The following CDC45 variants were observed in gnomAD, a reference collection of about 807,000 sequenced individuals.
CDC45 encodes cell division cycle 45.
CDC45 carries 54 observed loss-of-function variants against 77.8 expected under a neutral mutation model. The ratio of observed to expected loss-of-function variants is 0.69; its 90% confidence interval spans 0.56 to 0.87. The LOEUF (loss-of-function observed/expected upper bound fraction) is 0.87. Ranked by LOEUF, CDC45 falls within the 40% of genes least tolerant of loss-of-function variation. The pLI, the probability that CDC45 is intolerant of heterozygous loss-of-function variation, is 0.00. For missense variants in CDC45, 649 were observed against 721.6 expected, an observed-to-expected ratio of 0.90 and a Z score of 1.15; for synonymous variants, 260 against 272.1, an observed-to-expected ratio of 0.96 and a Z score of 0.44.
chr22:19,490,948 C>T (rs1189792582), intron 5 of CDC45, among the ~76,000 whole-genome samples: 2 of 151,952 alleles, frequency 1.3e-5, no homozygotes, highest in African/African-American at 4.8e-5. Flanking sequence ...CTGCCTCAGC[C>T]TCCCGAGTAG....
chr22:19,498,694 C>G (rs1179202834), intron 8 of CDC45, among the ~76,000 whole-genome samples: 1 of 152,224 alleles, frequency 6.6e-6, no homozygotes, highest in African/African-American at 2.4e-5. Context: ...GAAGTGATAC[C>G]AGGGTCACCA....
At chr22:19,480,073 G>T in intron 1 of CDC45, 54 bp downstream of exon 1, 1 of 1,612,924 alleles carries the variant, frequency 6.2e-7, no homozygotes, top group South Asian at 1.1e-5. Flanking sequence ...GAAGGGATGA[G>T]GGGGAGCGAC....
chr22:19,515,987 T>A (rs1933763887), intron 15 of CDC45, among the ~76,000 whole-genome samples: 1 of 152,160 alleles, frequency 6.6e-6, no homozygotes, highest in Non-Finnish European at 1.5e-5. Context: ...TCACCTGGGC[T>A]GTAGGGTGTG....
At chr22:19,512,134 G>A (rs1933550061) in intron 13 of CDC45, among the ~76,000 whole-genome samples, 1 of 152,064 alleles carries the variant, frequency 6.6e-6, no homozygotes, top group Non-Finnish European at 1.5e-5. Context: ...ACTTCAGCAA[G>A]GCCCCTTGCT....
At chr22:19,508,805 C>A in intron 13 of CDC45, 114 bp downstream of exon 13, 1 of 952,768 alleles carries the variant, frequency 1.0e-6, no homozygotes, top group Non-Finnish European at 1.6e-6. Context: ...CCTGCAGAAA[C>A]TGCTTGGGTG....
At position 19,480,944 on chromosome 22, in the gene CDC45, T is replaced by C. The variant is rs1463290756; in HGVS notation, c.112-9T>C. The C allele has an allele frequency of 6.3e-7, 1 of 1,587,062 alleles. No homozygotes were observed. The highest frequency in any genetic ancestry group is 1.3e-5 in the African/African-American group (1 of 74,280). On this transcript the variant is annotated splice_polypyrimidine_tract_variant and intron_variant, in intron 2 of 18. Coordinates refer to ENST00000263201, the MANE Select transcript of CDC45 (RefSeq NM_003504.5). ...AATAAGATAGGCTTTGAAAACACTC[T>C]CTCTCCAGGCCTTGTTCCAGTGTGA...
intron 9 of CDC45, among the ~76,000 whole-genome samples, chr22:19,504,333 C>G (rs897448420): frequency 2.0e-5 from 3 of 152,030 alleles, no homozygotes; most frequent in South Asian, 4.1e-4. Context: ...GAGTTTTGCT[C>G]TTGTTGCCCA....
intron 7 of CDC45, among the ~76,000 whole-genome samples, chr22:19,496,697 A>T (rs986621471): frequency 3.3e-5 from 5 of 152,156 alleles, no homozygotes; most frequent in Non-Finnish European, 5.9e-5. Context: ...CTCCCTCCAG[A>T]TATATGGGGC....
intron 17 of CDC45, 28 bp downstream of exon 17, chr22:19,516,921 CTT>C (rs770818023): frequency 1.3e-6 from 2 of 1,580,012 alleles, no homozygotes; most frequent in African/African-American, 2.7e-5. Context: ...CTCTGCCACA[CTT>C]TCCCACCTGA....
At chr22:19,518,057 CTG>C (rs1358461981) in intron 17 of CDC45, among the ~76,000 whole-genome samples, 2 of 152,244 alleles carry the variant, frequency 1.3e-5, no homozygotes, top group African/African-American at 4.8e-5. Context: ...GGCTGTGGCA[CTG>C]TGTGGCATTG....
chr22:19,517,987 C>G (rs964071467), intron 17 of CDC45, among the ~76,000 whole-genome samples: 3 of 152,242 alleles, frequency 2.0e-5, no homozygotes, highest in African/African-American at 7.2e-5. Context: ...GGAGATCCAG[C>G]CTTTGTTGAA....
intron 6 of CDC45, chr22:19,494,584 C>T: frequency 1.9e-6 from 3 of 1,546,896 alleles, no homozygotes; most frequent in Non-Finnish European, 2.6e-6. Context: ...AGTGACAGGA[C>T]AGCCCCAAGG....
chr22:19,484,094 C>T, intron 5 of CDC45, 89 bp downstream of exon 5: 1 of 1,268,532 alleles, frequency 7.9e-7, no homozygotes, highest in Admixed American at 2.5e-5. Flanking sequence ...CCAAGGTGTA[C>T]TGAGGGCAGT....
chr22:19,504,243 A>C (rs1291949766), intron 9 of CDC45, among the ~76,000 whole-genome samples: 3 of 152,214 alleles, frequency 2.0e-5, no homozygotes, highest in Non-Finnish European at 2.9e-5. Flanking sequence ...AGAAGATGGG[A>C]GGAGATCCTC....
chr22:19,516,897 A>G lies in CDC45; in HGVS notation c.1636+4A>G. On this transcript the variant is annotated splice_donor_region_variant and intron_variant, in intron 17 of 18. Coordinates refer to ENST00000263201, the MANE Select transcript of CDC45 (RefSeq NM_003504.5). ...CACAACCATTTTGACCTCTCAGGTG[A>G]GAGTCTCCTGCCACTCTGCCACACT... 2.5e-6 allele frequency: 4 copies of G among 1,611,178 alleles called. No individual in the cohort carries two copies. Among genetic ancestry groups the G allele is most frequent in the Non-Finnish European group, 3.4e-6 (4 of 1,177,672 alleles).
intron 11 of CDC45, 74 bp downstream of exon 11, chr22:19,507,591 G>C: frequency 6.4e-7 from 1 of 1,573,916 alleles, no homozygotes; most frequent in Admixed American, 1.7e-5. Context: ...GCTTTGTTGT[G>C]ACCAACTTAG....
In CDC45 at chr22:19,482,854, T is replaced by C. The variant is rs1279217820; in HGVS notation, c.342+27T>C. The C allele has an allele frequency of 2.5e-6, 4 of 1,610,510 alleles. No homozygotes were observed. The East Asian group carries it at 8.9e-5, about 36-fold the overall frequency. On this transcript the variant is annotated intron_variant, in intron 4 of 18. Coordinates refer to ENST00000263201, the MANE Select transcript of CDC45 (RefSeq NM_003504.5). ...TACTTTTTGTGCTATGCCCTCAAACTGTCTGTACTTTTTATGCCATGTACA... is the reference window on the plus strand; with the variant it reads ...TACTTTTTGTGCTATGCCCTCAAACCGTCTGTACTTTTTATGCCATGTACA...
Position 19,482,810 on chromosome 22 carries a change from G to C in CDC45, c.325G>C (p.Val109Leu). The C allele has an allele frequency of 6.2e-7, 1 of 1,614,074 alleles. No individual in the cohort carries two copies. The highest frequency in any genetic ancestry group is 8.5e-7 in the Non-Finnish European group (1 of 1,179,944). ...DTHRPVNVVN[V>L]YNDTQIKLLI... Reference sequence around the variant, plus strand: ...CCATAGGCCAGTCAATGTCGTCAATGTATACAACGATACCCAGGTACTTTT... The same window carrying C: ...CCATAGGCCAGTCAATGTCGTCAATCTATACAACGATACCCAGGTACTTTT... Residue 109 changes from valine to leucine, a missense_variant, in exon 4 of 19, where the codon GTA (valine) becomes CTA (leucine). Transcript: ENST00000263201.
intron 3 of CDC45, among the ~76,000 whole-genome samples, chr22:19,481,905 C>T (rs911149332): frequency 2.0e-5 from 3 of 152,310 alleles, no homozygotes; most frequent in African/African-American, 7.2e-5. Flanking sequence ...CTCCTGACCT[C>T]AAGTGATCCG....
Sources: gnomAD v4.1 joint callset for allele counts (sites outside exome capture counted in the v4.1 genomes callset) on GRCh38, gnomAD v4.1.1 for gene constraint, MANE v1.5 for transcripts, NCBI Gene and HGNC (gene_info 2026-07-23, HGNC 2026-07-21) for gene names.